The following CPEB2 variants were observed in gnomAD, a reference collection of about 807,000 sequenced individuals.
CPEB2 encodes cytoplasmic polyadenylation element binding protein 2.
Under a neutral mutation model 93.6 loss-of-function variants are expected in CPEB2, and 56 were observed. The observed-to-expected ratio is 0.60, with a 90% confidence interval of 0.48 to 0.75. The LOEUF (loss-of-function observed/expected upper bound fraction) is 0.75, where lower values mean the gene tolerates loss of function less well. CPEB2 is among the 30% of genes least tolerant of loss of function. The probability of loss-of-function intolerance (pLI) is 0.00; values close to 1 mark genes in which losing one functional copy is unlikely to be tolerated. For synonymous variants in CPEB2, 764 were observed against 586.3 expected (o/e 1.30, Z -4.38); for missense variants, 1,579 against 1,395.1 (o/e 1.13, Z -2.10).
intron 4 of CPEB2, among the ~76,000 whole-genome samples, chr4:15,031,415 T>C (rs1190930735): frequency 6.6e-6 from 1 of 152,196 alleles, no homozygotes; most frequent in Non-Finnish European, 1.5e-5. Context: ...CAAAGTAATG[T>C]TCCGTGTTAC....
rs755598991 is a variant in CPEB2 at position 15,003,635 on chromosome 4, T to G, written c.962T>G (p.Leu321Arg). The part of the protein sequence containing the change: ...PGSMESPNHP[L>R]LNSPSNLLPG... ...TCCATGGAGTCCCCCAACCACCCTC[T>G]GCTCAACAGTCCCAGTAACCTCCTG... Residue 321 changes from leucine to arginine, a missense_variant, in exon 1 of 12, where the codon CTG (leucine) becomes CGG (arginine). By Grantham distance (102) the Leu-to-Arg change is moderately radical. Transcript: ENST00000538197. 9.2e-5 allele frequency: 136 copies of G among 1,481,544 alleles called. No individual in the cohort carries two copies. Among genetic ancestry groups the G allele is most frequent in the South Asian group, 7.2e-4 (57 of 79,448 alleles). The allele number at this position is 1,481,544 out of a possible 1,614,324, so 91.8% of individuals were successfully genotyped here.
intron 4 of CPEB2, among the ~76,000 whole-genome samples, chr4:15,032,685 G>T (rs550344068): frequency 6.6e-6 from 1 of 152,120 alleles, no homozygotes; most frequent in South Asian, 2.1e-4. Flanking sequence ...ACATTGGCAA[G>T]TTGAGATGAA....
rs900515136 is a variant in CPEB2, at chr4:15,004,313, G to A, written c.1640G>A (p.Arg547Lys). The A allele has an allele frequency of 1.3e-6, 2 of 1,490,316 alleles. No individual in the cohort carries two copies. Among genetic ancestry groups the A allele is most frequent in the African/African-American group, 1.5e-5 (1 of 68,264 alleles). 92.3% of individuals were successfully genotyped at this position (1,490,316 alleles called of 1,614,324 possible). ...GCGGCCGCCGCCTTCCTGCAGCAGA[G>A]GAACTCCTATAACCACCACCAGGTA... ...QAAAAAFLQQ[R>K]NSYNHHQPLL... The change falls in exon 1 of 12, where the codon AGG (arginine) becomes AAG (lysine). Residue 547 changes from arginine (R) to lysine (K), a missense_variant. Around this residue, in one of 2 missense-constraint regions of CPEB2, gnomAD observed 1,411 missense variants for 1,056.0 expected, o/e 1.34. Coordinates refer to ENST00000538197, the MANE Select transcript of CPEB2 (RefSeq NM_001177382.2).
intron 4 of CPEB2, among the ~76,000 whole-genome samples, chr4:15,025,195 TTTTTG>T (rs1022848900): frequency 1.6e-4 from 24 of 152,244 alleles, no homozygotes; most frequent in African/African-American, 5.8e-4. Flanking sequence ...AATCTTGAGT[TTTTTG>T]TTTTAAAAAT....
At chr4:15,035,585 G>A (rs1272713285) in intron 5 of CPEB2, among the ~76,000 whole-genome samples, 1 of 152,122 alleles carries the variant, frequency 6.6e-6, no homozygotes, top group Non-Finnish European at 1.5e-5. Flanking sequence ...ATAAACTTAA[G>A]AGAAAACATA....
At chr4:15,064,516 A>C (rs557222811) in intron 11 of CPEB2, among the ~76,000 whole-genome samples, 5 of 151,824 alleles carry the variant, frequency 3.3e-5, no homozygotes, top group African/African-American at 1.2e-4. Flanking sequence ...GTGTTTTATC[A>C]GGTATTATGG....
chr4:15,015,693 G>A (rs1330487137), intron 3 of CPEB2, among the ~76,000 whole-genome samples: 7 of 151,738 alleles, frequency 4.6e-5, no homozygotes, highest in South Asian at 4.1e-4. Context: ...CCTTTTCTTC[G>A]GGAAAAAAAG....
Position 15,017,200 on chromosome 4 carries a change from A to T in CPEB2, c.2047A>T (p.Met683Leu), listed in dbSNP as rs1269417809. ...TCTTCTCTTCCAGGATCGAAGTAGA[A>T]TGTATGACAGTTTGAATATGCACTC... ...TSRIDQDRSR[M>L]YDSLNMHSLE... The change falls in exon 4 of 12, where the codon ATG becomes TTG. Residue 683 changes from methionine to leucine, a missense_variant. Transcript: ENST00000538197. 6.3e-7 allele frequency: 1 copy of T among 1,584,734 alleles called. No individual in the cohort carries two copies. Among genetic ancestry groups the T allele is most frequent in the East Asian group, 2.2e-5 (1 of 44,524 alleles).
intron 4 of CPEB2, among the ~76,000 whole-genome samples, chr4:15,024,953 G>C (rs1303348083): frequency 6.6e-6 from 1 of 151,688 alleles, no homozygotes; most frequent in African/African-American, 2.4e-5. Flanking sequence ...ACTGTGTTTG[G>C]CCAAGCTGGT....
chr4:15,028,036 T>C (rs919907036), intron 4 of CPEB2, among the ~76,000 whole-genome samples: 1 of 152,192 alleles, frequency 6.6e-6, no homozygotes, highest in African/African-American at 2.4e-5. Context: ...CTAAACTCTT[T>C]ATGATTCTAA....
chr4:15,063,040 A>G (rs1729345524), intron 11 of CPEB2, among the ~76,000 whole-genome samples: 1 of 152,140 alleles, frequency 6.6e-6, no homozygotes. Flanking sequence ...TAATTATAGT[A>G]TAGCAGAAAT....
At chr4:15,059,473 CCCTCTTGA>C (rs1164974606) in intron 10 of CPEB2, among the ~76,000 whole-genome samples, 172 bp downstream of exon 10, 2 of 152,110 alleles carry the variant, frequency 1.3e-5, no homozygotes, top group Non-Finnish European at 2.9e-5. Context: ...TTCTGAGGCC[CCCTCTTGA>C]AACTCTCCAA....
rs1729913421 is a variant in CPEB2, at chr4:15,069,132, T to TA, written c.*2753dup. 2 of 152,136 alleles carry TA rather than the reference T, an allele frequency of 1.3e-5. No homozygotes were observed. Among genetic ancestry groups the TA allele is most frequent in the Non-Finnish European group, 1.5e-5 (1 of 67,776 alleles). 9.4% of individuals were successfully genotyped at this position (152,136 alleles called of 1,614,324 possible). Reference sequence around the variant, plus strand: ...AGTATGACTGTGGAGGAAAAAAAAATACTTTAAAAATCCACACTTTTTGTT... The same window carrying TA: ...AGTATGACTGTGGAGGAAAAAAAAATAACTTTAAAAATCCACACTTTTTGTT... On this transcript the variant is annotated 3_prime_UTR_variant, in exon 12 of 12. Transcript: ENST00000538197.
At chr4:15,007,700 T>A (rs1396248038) in intron 2 of CPEB2, 114 bp downstream of exon 2, 2 of 588,312 alleles carry the variant, frequency 3.4e-6, no homozygotes, top group Admixed American at 4.0e-5. Context: ...AAAGTTTTAA[T>A]TTTTAAGCAT....
At chr4:15,058,314 A>G (rs1273181736) in intron 8 of CPEB2, 107 bp from the exon 9 acceptor site, 1 of 677,162 alleles carries the variant, frequency 1.5e-6, no homozygotes, top group Non-Finnish European at 2.6e-6. Context: ...ATCCTATTTG[A>G]TAGTTTGTTT....
intron 6 of CPEB2, among the ~76,000 whole-genome samples, chr4:15,048,860 T>C (rs931358405): frequency 2.6e-5 from 4 of 152,084 alleles, no homozygotes; most frequent in Admixed American, 6.5e-5. Context: ...GTGGTAGATA[T>C]AACTTATTTA....
intron 10 of CPEB2, among the ~76,000 whole-genome samples, chr4:15,060,062 C>G (rs1043138605): frequency 6.6e-6 from 1 of 152,072 alleles, no homozygotes; most frequent in Admixed American, 6.6e-5. Flanking sequence ...TGTAGTTGAG[C>G]TGACATATAA....
intron 4 of CPEB2, among the ~76,000 whole-genome samples, chr4:15,018,220 T>C (rs1342245479): frequency 6.6e-6 from 1 of 151,814 alleles, no homozygotes; most frequent in Non-Finnish European, 1.5e-5. Flanking sequence ...CTTTCAAGAT[T>C]TGGCCTAAAA....
chr4:15,055,806 C>G (rs1432614205), intron 8 of CPEB2, among the ~76,000 whole-genome samples: 1 of 152,176 alleles, frequency 6.6e-6, no homozygotes, highest in African/African-American at 2.4e-5. Context: ...CTTGTTCTCT[C>G]CAGCCTCAGT....
Sources: gnomAD v4.1 joint callset for allele counts (sites outside exome capture counted in the v4.1 genomes callset) on GRCh38, gnomAD v4.1.1 for gene constraint, gnomAD v4.1.1 regional missense constraint, MANE v1.5 for transcripts, NCBI Gene and HGNC (gene_info 2026-07-23, HGNC 2026-07-21) for gene names.